The following KDM4C variants were observed in gnomAD, a reference collection of about 807,000 sequenced individuals.
KDM4C encodes the protein lysine-specific demethylase 4C.
A neutral mutation model predicts 129.3 loss-of-function variants in KDM4C; 81 were observed. That is an observed-to-expected ratio of 0.63 (90% CI 0.52 to 0.75). The LOEUF is 0.75. Ranked by LOEUF, KDM4C falls within the 30% of genes least tolerant of loss-of-function variation. KDM4C has a pLI of 0.00. For synonymous variants in KDM4C, 573 were observed against 456.1 expected (o/e 1.26, Z -3.26); for missense variants, 1,457 against 1,304.0 (o/e 1.12, Z -1.81).
chr9:6,811,820 A>G (rs1039926247), intron 3 of KDM4C, among the ~76,000 whole-genome samples: 2 of 152,092 alleles, frequency 1.3e-5, no homozygotes, highest in Non-Finnish European at 1.5e-5. Context: ...CCTGGAGCTC[A>G]CCTCTTAAGA....
intron 19 of KDM4C, among the ~76,000 whole-genome samples, chr9:7,160,535 A>T (rs968666153): frequency 6.6e-6 from 1 of 151,900 alleles, no homozygotes; most frequent in African/African-American, 2.4e-5. Flanking sequence ...TTTTTTGTCG[A>T]TGTTGATGCT....
At chr9:6,995,942 A>C (rs1248113437) in intron 12 of KDM4C, among the ~76,000 whole-genome samples, 8 of 152,192 alleles carry the variant, frequency 5.3e-5, no homozygotes, top group Admixed American at 5.2e-4. Flanking sequence ...TGCTGGGATT[A>C]CAGGCGTGAG....
intron 1 of KDM4C, among the ~76,000 whole-genome samples, chr9:6,785,269 C>G (rs1489199701): frequency 6.6e-6 from 1 of 151,594 alleles, no homozygotes; most frequent in Non-Finnish European, 1.5e-5. Flanking sequence ...TGGCTTGCAG[C>G]TGCATGACTC....
At chr9:7,162,878 T>A (rs1280750003) in intron 19 of KDM4C, among the ~76,000 whole-genome samples, 1 of 152,122 alleles carries the variant, frequency 6.6e-6, no homozygotes, top group Admixed American at 6.5e-5. Context: ...ATAAATAGCA[T>A]GTCTCGCCCT....
intron 1 of KDM4C, chr9:6,734,982 C>T: frequency 1.8e-6 from 1 of 567,130 alleles, no homozygotes; most frequent in Non-Finnish European, 3.5e-6. Flanking sequence ...TCCAACCACA[C>T]TCAAGTTGAT....
At chr9:6,923,215 T>C (rs57054567) in intron 8 of KDM4C, among the ~76,000 whole-genome samples, 12,361 of 150,820 alleles carry the variant, frequency 0.082, 1,399 homozygotes, top group African/African-American at 0.25. Flanking sequence ...ATGCAAAGCA[T>C]TGGAATCAGA....
Position 7,169,855 on chromosome 9 carries a change from G to T in KDM4C, c.2959G>T (p.Asp987Tyr), listed in dbSNP as rs780228226. The change falls in exon 21 of 22, where the codon GAT (aspartate) becomes TAT (tyrosine). Residue 987 changes from aspartate to tyrosine, a missense_variant. By Grantham distance (160) the Asp-to-Tyr change is radical. Coordinates refer to ENST00000381309, the MANE Select transcript of KDM4C (RefSeq NM_015061.6). ...AMKREDIYTL[D>Y]EELPKRVKAR... ...GAAGAGAGAGGACATCTACACTTTA[G>T]ATGAAGAGTTACCCAAGAGAGTGAA... 2 of 1,614,040 alleles carry T rather than the reference G, an allele frequency of 1.2e-6. No homozygotes were observed. Among genetic ancestry groups the T allele is most frequent in the South Asian group, 2.2e-5 (2 of 91,074 alleles).
intron 17 of KDM4C, among the ~76,000 whole-genome samples, chr9:7,059,762 A>G (rs762905665): frequency 2.6e-5 from 4 of 152,194 alleles, no homozygotes; most frequent in Non-Finnish European, 5.9e-5. Context: ...AAAATTTAAA[A>G]CAACGCCACT....
chr9:6,889,610 C>G (rs1049421761), intron 7 of KDM4C, among the ~76,000 whole-genome samples: 2 of 152,162 alleles, frequency 1.3e-5, no homozygotes, highest in Admixed American at 1.3e-4. Flanking sequence ...TTGTGAGTCT[C>G]AGACACATCA....
intron 14 of KDM4C, chr9:7,014,461 T>C (rs1483408882): frequency 6.4e-6 from 1 of 155,112 alleles, no homozygotes; most frequent in African/African-American, 2.4e-5. Flanking sequence ...GAATCTCTAT[T>C]GTATTCCAGG....
chr9:7,131,770 T>C (rs531938964), intron 19 of KDM4C, among the ~76,000 whole-genome samples: 2 of 152,330 alleles, frequency 1.3e-5, no homozygotes, highest in African/African-American at 4.8e-5. Context: ...AAAAAAAATG[T>C]AATCAGGTTT....
intron 12 of KDM4C, among the ~76,000 whole-genome samples, chr9:7,000,702 C>G (rs1413512535): frequency 6.6e-6 from 1 of 152,106 alleles, no homozygotes; most frequent in Non-Finnish European, 1.5e-5. Flanking sequence ...TCATACAACT[C>G]AAGTGTGTTA....
At chr9:7,067,900 A>G (rs1442700052) in intron 17 of KDM4C, among the ~76,000 whole-genome samples, 1 of 151,930 alleles carries the variant, frequency 6.6e-6, no homozygotes, top group Non-Finnish European at 1.5e-5. Context: ...GGTTCATGCC[A>G]TTCTGCTGCC....
intron 2 of KDM4C, among the ~76,000 whole-genome samples, chr9:6,798,687 C>G (rs578040134): frequency 6.6e-6 from 1 of 152,230 alleles, no homozygotes; most frequent in African/African-American, 2.4e-5. Context: ...CTTTTCCCCA[C>G]CTTTCCCCCT....
intron 1 of KDM4C, among the ~76,000 whole-genome samples, chr9:6,735,276 G>C (rs1235059967): frequency 1.6e-4 from 25 of 152,138 alleles, no homozygotes. Context: ...TAGGAAAATG[G>C]ACACAGGGCG....
intron 8 of KDM4C, among the ~76,000 whole-genome samples, chr9:6,902,414 C>T (rs761724037): frequency 1.3e-5 from 2 of 152,164 alleles, no homozygotes; most frequent in South Asian, 2.1e-4. Flanking sequence ...CAGGAGTGCA[C>T]GTAAAAAACC....
At chr9:6,930,391 T>G (rs568936544) in intron 8 of KDM4C, among the ~76,000 whole-genome samples, 52 of 152,102 alleles carry the variant, frequency 3.4e-4, no homozygotes, top group Admixed American at 5.9e-4. Flanking sequence ...CCTAATACAG[T>G]GAATATGTGG....
intron 17 of KDM4C, among the ~76,000 whole-genome samples, chr9:7,079,303 T>C (rs1026779568): frequency 1.3e-5 from 2 of 152,198 alleles, no homozygotes; most frequent in Non-Finnish European, 2.9e-5. Flanking sequence ...TATACATTAA[T>C]CTCTACAAGA....
At chr9:6,799,348 C>T (rs1057011366) in intron 2 of KDM4C, among the ~76,000 whole-genome samples, 2 of 152,214 alleles carry the variant, frequency 1.3e-5, no homozygotes, top group African/African-American at 4.8e-5. Context: ...GGATCACTCG[C>T]GGTTAGGAGC....
Sources: allele counts gnomAD v4.1 joint callset (sites outside exome capture counted in the v4.1 genomes callset), GRCh38; gene constraint gnomAD v4.1.1; transcripts MANE v1.5; gene names NCBI Gene and HGNC (gene_info 2026-07-23, HGNC 2026-07-21).